Variants in STRN3 observed in about 807,000 individuals in gnomAD.
STRN3 encodes the protein striatin-3.
STRN3 carries 29 observed loss-of-function variants against 95.6 expected under a neutral mutation model. The ratio of observed to expected loss-of-function variants is 0.30; its 90% CI spans 0.23 to 0.41. STRN3 has a LOEUF of 0.41. STRN3 is among the 10% of genes least tolerant of loss of function. The probability of loss-of-function intolerance (pLI) is 1.00; values close to 1 mark genes in which losing one functional copy is unlikely to be tolerated. For synonymous variants in STRN3, 331 were observed against 357.6 expected (o/e 0.93, Z 0.84); for missense variants, 890 against 972.1 (o/e 0.92, Z 1.12).
intron 5 of STRN3, among the ~76,000 whole-genome samples, chr14:30,938,641 A>T (rs188505722): frequency 6.6e-6 from 1 of 152,300 alleles, no homozygotes; most frequent in African/African-American, 2.4e-5. Flanking sequence ...ATTTCACCAA[A>T]ATTAACATTC....
At chr14:30,923,912 A>C (rs1476399639) in intron 8 of STRN3, among the ~76,000 whole-genome samples, 2 of 152,098 alleles carry the variant, frequency 1.3e-5, no homozygotes, top group Non-Finnish European at 2.9e-5. Flanking sequence ...TCATTGATTT[A>C]TATGTTTTTA....
rs760070196 is a variant in STRN3 at position 30,947,185 on chromosome 14, A to T, written c.621T>A (p.Ser207=). 6.2e-7 allele frequency: 1 copy of T among 1,613,436 alleles called. No individual in the cohort carries two copies. Among genetic ancestry groups the T allele is most frequent in the Non-Finnish European group, 8.5e-7 (1 of 1,179,680 alleles). Residue 207 remains serine, a synonymous_variant, in exon 5 of 18, where the codon TCT becomes TCA. Transcript: ENST00000357479. ...SQRVRSLLGL[S]NSEPNGSVET... is the part of the protein sequence containing the mutation. ...CTACTGATCCATTTGGTTCTGAATT[A>T]GATAGTCCAAGTAATGACCTTACCC... is the stretch of plus-strand genomic sequence containing the variant.
At chr14:30,953,681 G>A (rs938972367) in intron 3 of STRN3, among the ~76,000 whole-genome samples, 3 of 152,170 alleles carry the variant, frequency 2.0e-5, no homozygotes, top group African/African-American at 7.2e-5. Flanking sequence ...CCAAGAGGGA[G>A]TAGAGTGGTG....
chr14:30,907,039 T>C lies in STRN3; in HGVS notation c.1726A>G (p.Asn576Asp). Residue 576 changes from asparagine to aspartate, a missense_variant, in exon 14 of 18, where the codon AAT (asparagine) becomes GAT (aspartate). Physicochemically the swap from Asn to Asp is conservative, Grantham distance 23. Transcript: ENST00000357479. ...CCAACTAAAGTGCCAGCTAGAACAT[T>C]TGGCTCTGGGGAAAAAACAAACAAA... ...SVDPYDTYEP[N>D]VLAGTLVGHT... The C allele has an allele frequency of 1.2e-6, 2 of 1,605,546 alleles. No individual in the cohort carries two copies. Among genetic ancestry groups the C allele is most frequent in the East Asian group, 2.2e-5 (1 of 44,782 alleles).
chr14:31,012,673 C>T (rs988018633), intron 1 of STRN3, among the ~76,000 whole-genome samples: 1 of 152,128 alleles, frequency 6.6e-6, no homozygotes, highest in African/African-American at 2.4e-5. Context: ...GCGGGTGGAT[C>T]ACGAGGTCAG....
At chr14:30,984,133 C>CCA (rs1387569724) in intron 1 of STRN3, among the ~76,000 whole-genome samples, 1 of 114,456 alleles carries the variant, frequency 8.7e-6, no homozygotes, top group Non-Finnish European at 1.9e-5. Context: ...CCCCGCCCCC[C>CCA]CCAACCCCCC....
In STRN3 at chr14:30,938,432, G is replaced by T. The variant is rs745835005; in HGVS notation, c.717-1808C>A. On this transcript the variant is annotated intron_variant, in intron 5 of 17. Transcript: ENST00000357479. The stretch of plus-strand genomic sequence containing the variant: ...ATATCAATGATACAATAATTTAAAA[G>T]AATTTTTTTTAAAGATATATTTGTT... Among the ~76,000 whole-genome samples the T allele has an allele frequency of 2.6e-5, 4 of 152,206 alleles. 1 individual carries two copies. Among genetic ancestry groups the T allele is most frequent in the Non-Finnish European group, 1.5e-5 (1 of 67,974 alleles).
intron 16 of STRN3, among the ~76,000 whole-genome samples, chr14:30,902,037 G>A (rs1446608105): frequency 2.6e-5 from 4 of 151,722 alleles, no homozygotes; most frequent in African/African-American, 7.3e-5. Context: ...CAGGTATGGT[G>A]GTGCATGCCT....
At chr14:30,942,042 G>A (rs914264184) in intron 5 of STRN3, among the ~76,000 whole-genome samples, 1 of 152,058 alleles carries the variant, frequency 6.6e-6, no homozygotes, top group Admixed American at 6.6e-5. Context: ...GACTTGAATT[G>A]GCTTATTCCT....
At chr14:30,967,059 C>G (rs1341412235) in intron 1 of STRN3, among the ~76,000 whole-genome samples, 1 of 151,844 alleles carries the variant, frequency 6.6e-6, no homozygotes, top group Non-Finnish European at 1.5e-5. Context: ...TTCCGGGACA[C>G]ACAAGGTGAG....
chr14:30,919,362 GAT>G (rs149599396), intron 8 of STRN3, among the ~76,000 whole-genome samples: 104 of 146,094 alleles, frequency 7.1e-4, no homozygotes, highest in Non-Finnish European at 7.9e-4. Flanking sequence ...TCTCTAAAGA[GAT>G]ATATATATAT....
chr14:30,931,039 C>T (rs1262415340), intron 7 of STRN3, among the ~76,000 whole-genome samples: 7 of 151,946 alleles, frequency 4.6e-5, no homozygotes, highest in Admixed American at 2.0e-4. Flanking sequence ...GAGAATAAAA[C>T]TGTGAATAGC....
At chr14:30,921,115 T>C (rs1043544186) in intron 8 of STRN3, among the ~76,000 whole-genome samples, 1 of 140,704 alleles carries the variant, frequency 7.1e-6, no homozygotes, top group African/African-American at 2.6e-5. Flanking sequence ...CACTTCCTTA[T>C]CTTCTAACAT....
chr14:31,011,617 T>C (rs1454167869), intron 1 of STRN3, among the ~76,000 whole-genome samples: 1 of 152,190 alleles, frequency 6.6e-6, no homozygotes, highest in Non-Finnish European at 1.5e-5. Context: ...CACTCCAGCC[T>C]GGGCGACAGA....
At chr14:30,922,191 T>A (rs554295494) in intron 8 of STRN3, among the ~76,000 whole-genome samples, 1 of 152,094 alleles carries the variant, frequency 6.6e-6, no homozygotes, top group Non-Finnish European at 1.5e-5. Flanking sequence ...ACTCAGCTAA[T>A]TTTTGTATTT....
chr14:30,984,154 A>C lies in STRN3; in HGVS notation c.283-27912T>G, dbSNP rs1461289918. On this transcript the variant is annotated intron_variant, in intron 1 of 17. Coordinates refer to ENST00000357479, the MANE Select transcript of STRN3 (RefSeq NM_001083893.2). ...CCCCCCCAACCCCCCCCCACACACAAAGGCCTATAAAAAGGTTTAAATGTA... is the reference window on the plus strand; with the variant it reads ...CCCCCCCAACCCCCCCCCACACACACAGGCCTATAAAAAGGTTTAAATGTA... Among the ~76,000 whole-genome samples the C allele has an allele frequency of 5.2e-4, 41 of 79,466 alleles. No homozygotes were observed. The Admixed American group carries it at 7.3e-3, about 14-fold the overall frequency. 52.1% of individuals were successfully genotyped at this position (79,466 alleles called of 152,430 possible).
chr14:30,994,172 G>T (rs1283714051), intron 1 of STRN3, among the ~76,000 whole-genome samples: 1 of 152,006 alleles, frequency 6.6e-6, no homozygotes, highest in Non-Finnish European at 1.5e-5. Context: ...CACCAGGCCT[G>T]GCGAGACGGG....
At chr14:30,922,141 A>T (rs1214989697) in intron 8 of STRN3, among the ~76,000 whole-genome samples, 2 of 152,132 alleles carry the variant, frequency 1.3e-5, no homozygotes, top group African/African-American at 4.8e-5. Context: ...CACCTACCTC[A>T]GTCTCCAGAG....
At chr14:30,983,183 G>A (rs570383979) in intron 1 of STRN3, among the ~76,000 whole-genome samples, 2 of 152,272 alleles carry the variant, frequency 1.3e-5, no homozygotes, top group African/African-American at 4.8e-5. Context: ...GACCATATGT[G>A]TGCAATCTCT....
Sources: gnomAD v4.1 joint callset for allele counts (sites outside exome capture counted in the v4.1 genomes callset) on GRCh38, gnomAD v4.1.1 for gene constraint, MANE v1.5 for transcripts, NCBI Gene and HGNC (gene_info 2026-07-23, HGNC 2026-07-21) for gene names.